Variants in SLCO1B3 observed in about 807,000 individuals in gnomAD.
SLCO1B3 encodes the protein solute carrier organic anion transporter family member 1B3.
Under a neutral mutation model 71.8 loss-of-function variants are expected in SLCO1B3, and 72 were observed. The ratio of observed to expected loss-of-function variants is 1.00; its 90% CI spans 0.83 to 1.22. SLCO1B3 has a LOEUF of 1.22. Ranked by LOEUF, SLCO1B3 falls within the 50% of genes most tolerant of loss-of-function variation. The pLI is 0.00. For synonymous variants in SLCO1B3, 298 were observed against 278.4 expected, an observed-to-expected ratio of 1.07 and a Z score of -0.70; for missense variants, 911 against 819.7, an observed-to-expected ratio of 1.11 and a Z score of -1.36.
chr12:20,915,076 C>T (rs572833086), intron 15 of SLCO1B3, among the ~76,000 whole-genome samples: 93 of 152,050 alleles, frequency 6.1e-4, no homozygotes, highest in African/African-American at 2.2e-3. Context: ...ATTTTCTGTA[C>T]TTATTATTTG....
intron 3 of SLCO1B3, among the ~76,000 whole-genome samples, chr12:20,832,736 C>T (rs184659098): frequency 1.3e-5 from 2 of 152,232 alleles, no homozygotes; most frequent in African/African-American, 4.8e-5. Flanking sequence ...GTTCTTCTTC[C>T]AGATGTCTTG....
At chr12:20,869,959 TAA>T (rs1275952694) in intron 8 of SLCO1B3, among the ~76,000 whole-genome samples, 1 of 152,164 alleles carries the variant, frequency 6.6e-6, no homozygotes, top group Non-Finnish European at 1.5e-5. Context: ...CAACAGTGTA[TAA>T]GTGTTCAAAT....
intron 8 of SLCO1B3, among the ~76,000 whole-genome samples, chr12:20,863,742 T>A (rs533200722): frequency 3.2e-4 from 48 of 152,192 alleles, no homozygotes; most frequent in Admixed American, 7.2e-4. Context: ...TCAATTTATC[T>A]TCAAAGCCAA....
chr12:20,828,207 C>T (rs1482723349), intron 3 of SLCO1B3, among the ~76,000 whole-genome samples: 1 of 151,056 alleles, frequency 6.6e-6, no homozygotes, highest in Non-Finnish European at 1.5e-5. Flanking sequence ...TTTTACGGTG[C>T]ACTTGGCTAC....
At chr12:20,877,665 C>T (rs1591776090) in intron 9 of SLCO1B3, 107 bp from the exon 10 acceptor site, 2 of 428,764 alleles carry the variant, frequency 4.7e-6, no homozygotes, top group African/African-American at 4.1e-5. Flanking sequence ...TCTTAGAAAG[C>T]CTCACAAATC....
chr12:20,864,794 T>C (rs759252419), intron 8 of SLCO1B3, among the ~76,000 whole-genome samples: 13 of 152,276 alleles, frequency 8.5e-5, no homozygotes, highest in Non-Finnish European at 1.3e-4. Context: ...AGTGAACTTA[T>C]GATAAAGTAT....
At chr12:20,907,380 T>G (rs1253661662) in intron 15 of SLCO1B3, among the ~76,000 whole-genome samples, 3 of 151,656 alleles carry the variant, frequency 2.0e-5, no homozygotes, top group Non-Finnish European at 2.9e-5. Context: ...ATGGGAGATT[T>G]CTTTCCTCCC....
intron 4 of SLCO1B3, among the ~76,000 whole-genome samples, chr12:20,856,602 C>T (rs536952031): frequency 2.0e-5 from 3 of 152,260 alleles, no homozygotes; most frequent in Non-Finnish European, 4.4e-5. Context: ...CCCTCTGTCG[C>T]CCATGCTCGT....
intron 3 of SLCO1B3, among the ~76,000 whole-genome samples, chr12:20,821,723 C>T (rs1022559249): frequency 2.6e-5 from 4 of 152,026 alleles, no homozygotes; most frequent in Non-Finnish European, 2.9e-5. Context: ...CCCAGAAAAG[C>T]GGGACTTGCG....
At chr12:20,887,658 C>T (rs945806616) in intron 13 of SLCO1B3, among the ~76,000 whole-genome samples, 3 of 150,314 alleles carry the variant, frequency 2.0e-5, no homozygotes, top group African/African-American at 7.3e-5. Flanking sequence ...TTCTCCCATT[C>T]TGTGGTTTGT....
intron 3 of SLCO1B3, among the ~76,000 whole-genome samples, chr12:20,850,122 T>C (rs369160261): frequency 1.3e-4 from 19 of 150,204 alleles, no homozygotes; most frequent in African/African-American, 4.6e-4. Context: ...CAAAATAATA[T>C]TGAAAAAATA....
chr12:20,865,460 TG>T (rs1440985009), intron 8 of SLCO1B3, among the ~76,000 whole-genome samples: 5 of 152,098 alleles, frequency 3.3e-5, no homozygotes, highest in Admixed American at 2.0e-4. Context: ...TGTGTTTCCG[TG>T]TGTGTACGCT....
chr12:20,892,338 T>C (rs1865921798), intron 13 of SLCO1B3, among the ~76,000 whole-genome samples: 2 of 152,110 alleles, frequency 1.3e-5, no homozygotes, highest in Admixed American at 1.3e-4. Flanking sequence ...CAGCAAGTTA[T>C]TTTCAGGAGT....
intron 3 of SLCO1B3, among the ~76,000 whole-genome samples, chr12:20,853,540 A>T (rs548015145): frequency 2.1e-4 from 32 of 152,110 alleles, no homozygotes; most frequent in African/African-American, 7.2e-4. Flanking sequence ...GTCATCTCTT[A>T]TAATTCTTTT....
intron 3 of SLCO1B3, among the ~76,000 whole-genome samples, chr12:20,826,958 GTCA>G (rs950466640): frequency 6.6e-6 from 1 of 151,782 alleles, no homozygotes; most frequent in African/African-American, 2.4e-5. Flanking sequence ...ATTATAAATG[GTCA>G]TCATTTAAAG....
In SLCO1B3 at chr12:20,819,603, A is replaced by G. The variant is rs556334949; in HGVS notation, c.84+3781A>G. Among the ~76,000 whole-genome samples the G allele has an allele frequency of 5.3e-5, 8 of 152,328 alleles. No individual in the cohort carries two copies. In the South Asian group the frequency reaches 1.7e-3, roughly 32 times the overall value. On this transcript the variant is annotated intron_variant, in intron 3 of 15. Transcript: ENST00000381545. Reference sequence around the variant, plus strand: ...GGCAAAATAATTTGGTTGATAAGGCATAGATCCTGAGCTAACTTGTAAGGC... The same window carrying G: ...GGCAAAATAATTTGGTTGATAAGGCGTAGATCCTGAGCTAACTTGTAAGGC...
At chr12:20,882,362 G>T (rs1235552795) in intron 12 of SLCO1B3, among the ~76,000 whole-genome samples, 1 of 151,942 alleles carries the variant, frequency 6.6e-6, no homozygotes, top group Non-Finnish European at 1.5e-5. Flanking sequence ...AAAAATAAAA[G>T]GAAAAAAGGA....
intron 15 of SLCO1B3, among the ~76,000 whole-genome samples, chr12:20,904,954 A>G (rs1866211211): frequency 1.3e-5 from 2 of 151,630 alleles, no homozygotes. Flanking sequence ...TCATGTCTTT[A>G]GTAGAGATGG....
chr12:20,865,783 T>C (rs1386513844), intron 8 of SLCO1B3, among the ~76,000 whole-genome samples: 1 of 152,096 alleles, frequency 6.6e-6, no homozygotes, highest in Non-Finnish European at 1.5e-5. Context: ...AATCTATTAT[T>C]AAAAGTTAAA....
Sources: gnomAD v4.1 joint callset for allele counts (sites outside exome capture counted in the v4.1 genomes callset) on GRCh38, gnomAD v4.1.1 for gene constraint, MANE v1.5 for transcripts, NCBI Gene and HGNC (gene_info 2026-07-23, HGNC 2026-07-21) for gene names.